IGFBP7: variants seen among roughly 807,000 people sequenced by gnomAD.
IGFBP7 encodes insulin like growth factor binding protein 7, also known as insulin-like growth factor-binding protein 7.
Under a neutral mutation model 29.4 loss-of-function variants are expected in IGFBP7, and 31 were observed. The observed-to-expected ratio is 1.05, with a 90% CI of 0.79 to 1.42. The LOEUF is 1.42. Among genes scored for constraint, IGFBP7 ranks in the 40% most tolerant of loss-of-function variants. The pLI is 0.00. For synonymous variants in IGFBP7, 172 were observed against 174.9 expected (o/e 0.98, Z 0.13); for missense variants, 393 against 395.5 (o/e 0.99, Z 0.05).
At chr4:57,090,929 A>G (rs1371610776) in intron 1 of IGFBP7, among the ~76,000 whole-genome samples, 1 of 152,216 alleles carries the variant, frequency 6.6e-6, no homozygotes, top group African/African-American at 2.4e-5. Flanking sequence ...TTTCACAGAA[A>G]ATGAAATTAT....
intron 1 of IGFBP7, among the ~76,000 whole-genome samples, chr4:57,085,310 T>C (rs1725471952): frequency 6.6e-6 from 1 of 152,168 alleles, no homozygotes; most frequent in South Asian, 2.1e-4. Context: ...CTGTTATCCG[T>C]ATGCTAGATC....
chr4:57,084,292 T>A (rs372978002), intron 1 of IGFBP7, among the ~76,000 whole-genome samples: 6 of 152,304 alleles, frequency 3.9e-5, no homozygotes, highest in Non-Finnish European at 8.8e-5. Context: ...ATTTATTTAA[T>A]AGGAGCATAT....
At chr4:57,039,143 G>A (rs1430261002) in intron 2 of IGFBP7, among the ~76,000 whole-genome samples, 1 of 150,520 alleles carries the variant, frequency 6.6e-6, no homozygotes, top group Non-Finnish European at 1.5e-5. Context: ...TGGCAAATAA[G>A]TGTTTTCTTT....
intron 1 of IGFBP7, among the ~76,000 whole-genome samples, chr4:57,083,930 G>C (rs1035693209): frequency 6.6e-6 from 1 of 151,976 alleles, no homozygotes; most frequent in African/African-American, 2.4e-5. Context: ...TCTTAAATTT[G>C]TTCTGCATGT....
intron 1 of IGFBP7, chr4:57,073,126 G>T: frequency 2.3e-5 from 36 of 1,596,186 alleles, no homozygotes; most frequent in Non-Finnish European, 2.9e-5. Context: ...CCAGCCAGGA[G>T]CCCTGACCCA....
intron 1 of IGFBP7, among the ~76,000 whole-genome samples, chr4:57,085,345 C>T (rs1204519242): frequency 6.6e-6 from 1 of 152,078 alleles, no homozygotes; most frequent in Non-Finnish European, 1.5e-5. Flanking sequence ...TCAGTGGTTG[C>T]TGCTTTTGAT....
At chr4:57,098,806 AG>A (rs2109802124) in intron 1 of IGFBP7, among the ~76,000 whole-genome samples, 1 of 152,304 alleles carries the variant, frequency 6.6e-6, no homozygotes, top group African/African-American at 2.4e-5. Flanking sequence ...TTTGGAAGCC[AG>A]GGGTGCAGTG....
chr4:57,062,506 C>G (rs1278453639), intron 1 of IGFBP7, among the ~76,000 whole-genome samples: 1 of 152,148 alleles, frequency 6.6e-6, no homozygotes, highest in Non-Finnish European at 1.5e-5. Context: ...CTTGCAACCC[C>G]AAATAGGTGG....
At chr4:57,047,846 C>T (rs996677792) in intron 1 of IGFBP7, among the ~76,000 whole-genome samples, 2 of 151,968 alleles carry the variant, frequency 1.3e-5, no homozygotes, top group African/African-American at 4.8e-5. Flanking sequence ...ACAATCCTCC[C>T]ACCTCAGCTT....
intron 1 of IGFBP7, among the ~76,000 whole-genome samples, chr4:57,078,055 C>T (rs1725271178): frequency 6.6e-6 from 1 of 152,176 alleles, no homozygotes; most frequent in African/African-American, 2.4e-5. Flanking sequence ...CTGTCAACAA[C>T]CACATTCTAT....
chr4:57,032,359 T>C, intron 4 of IGFBP7, 67 bp downstream of exon 4: 1 of 1,586,750 alleles, frequency 6.3e-7, no homozygotes, highest in East Asian at 2.2e-5. Flanking sequence ...ACTTTCATAC[T>C]TAGTTCTGTT....
At chr4:57,033,920 G>A (rs540772730) in intron 2 of IGFBP7, among the ~76,000 whole-genome samples, 12 of 152,066 alleles carry the variant, frequency 7.9e-5, no homozygotes, top group Non-Finnish European at 1.5e-4. Context: ...TTGTGTTGGC[G>A]AGCACCCGTA....
At chr4:57,079,644 A>G (rs1160139891) in intron 1 of IGFBP7, among the ~76,000 whole-genome samples, 1 of 152,328 alleles carries the variant, frequency 6.6e-6, no homozygotes, top group East Asian at 1.9e-4. Flanking sequence ...GAATTTCCCA[A>G]TTTCTCCACT....
intron 1 of IGFBP7, among the ~76,000 whole-genome samples, chr4:57,100,973 T>A (rs991049948): frequency 5.3e-5 from 8 of 152,188 alleles, no homozygotes; most frequent in Non-Finnish European, 1.2e-4. Flanking sequence ...ATGAGGAAAA[T>A]CCACAGAAGT....
At chr4:57,040,337 G>C (rs1044075366) in intron 2 of IGFBP7, among the ~76,000 whole-genome samples, 1 of 152,168 alleles carries the variant, frequency 6.6e-6, no homozygotes, top group Non-Finnish European at 1.5e-5. Flanking sequence ...CCTCCAAGCA[G>C]ACAGGATCTA....
chr4:57,107,223 C>T lies in IGFBP7; in HGVS notation c.475+2654G>A, dbSNP rs181589556. Among the ~76,000 whole-genome samples the T allele has an allele frequency of 2.8e-3, 423 of 152,288 alleles. 2 individuals carry two copies. The highest frequency in any genetic ancestry group is 4.9e-3 in the Admixed American group (75 of 15,294). On this transcript the variant is annotated intron_variant, in intron 1 of 4. Transcript: ENST00000295666. ...TATAGCACCTAGTACAGTGCTGACT[C>T]AAGTTAGCTGCTCAATAAATGCATG...
intron 1 of IGFBP7, among the ~76,000 whole-genome samples, chr4:57,097,460 G>A (rs1725788531): frequency 6.6e-6 from 1 of 152,170 alleles, no homozygotes; most frequent in Non-Finnish European, 1.5e-5. Flanking sequence ...TCTGAACATA[G>A]GTTTCAGATC....
chr4:57,077,932 C>T (rs1333879888), intron 1 of IGFBP7, among the ~76,000 whole-genome samples: 1 of 152,162 alleles, frequency 6.6e-6, no homozygotes, highest in Non-Finnish European at 1.5e-5. Context: ...ACACAGAGCA[C>T]TCAATCAATA....
intron 1 of IGFBP7, among the ~76,000 whole-genome samples, chr4:57,106,070 C>A (rs950126404): frequency 6.6e-6 from 1 of 151,964 alleles, no homozygotes; most frequent in Non-Finnish European, 1.5e-5. Context: ...CCACGCCTGG[C>A]TAATTTTCTG....
Sources: gnomAD v4.1 joint callset for allele counts (sites outside exome capture counted in the v4.1 genomes callset) on GRCh38, gnomAD v4.1.1 for gene constraint, MANE v1.5 for transcripts, NCBI Gene and HGNC (gene_info 2026-07-23, HGNC 2026-07-21) for gene names.